Variants in GTF2A1L observed in about 807,000 individuals in gnomAD.
GTF2A1L encodes TFIIA-alpha and beta-like factor.
GTF2A1L carries 48 observed loss-of-function variants against 49.7 expected under a neutral mutation model. The ratio of observed to expected loss-of-function variants is 0.97; its 90% CI spans 0.77 to 1.23. The LOEUF is 1.23. Ranked by LOEUF, GTF2A1L falls within the 50% of genes most tolerant of loss-of-function variation. GTF2A1L has a pLI of 0.00. For missense variants in GTF2A1L, 736 were observed against 564.8 expected (o/e 1.30, Z -3.07); for synonymous variants, 246 against 193.5 (o/e 1.27, Z -2.25).
At chr2:48,620,125 A>C (rs566040082) in intron 1 of GTF2A1L, among the ~76,000 whole-genome samples, 38 of 152,328 alleles carry the variant, frequency 2.5e-4, no homozygotes, top group Admixed American at 4.6e-4. Flanking sequence ...ACCCTAAAAA[A>C]TTCTCCTTTG....
intron 6 of GTF2A1L, among the ~76,000 whole-genome samples, chr2:48,660,927 C>G (rs575056294): frequency 6.6e-6 from 1 of 152,170 alleles, no homozygotes; most frequent in Admixed American, 6.5e-5. Flanking sequence ...AGGTGTGAGA[C>G]ACCATGGCCG....
chr2:48,631,439 C>G (rs1402316781), intron 3 of GTF2A1L, among the ~76,000 whole-genome samples: 1 of 151,938 alleles, frequency 6.6e-6, no homozygotes, highest in Non-Finnish European at 1.5e-5. Flanking sequence ...ATCTGAGGAT[C>G]TTTTGTATTT....
intron 7 of GTF2A1L, 63 bp downstream of exon 7, chr2:48,670,045 C>G (rs1286876046): frequency 7.9e-6 from 12 of 1,528,258 alleles, no homozygotes; most frequent in African/African-American, 1.4e-5. Context: ...CTTTATTATG[C>G]CTTGGAACCA....
chr2:48,638,685 A>C (rs1347161415), intron 3 of GTF2A1L, among the ~76,000 whole-genome samples: 1 of 152,128 alleles, frequency 6.6e-6, no homozygotes, highest in Non-Finnish European at 1.5e-5. Context: ...GCCCTCTCTC[A>C]CCACTCCTAT....
chr2:48,622,906 C>T lies in GTF2A1L; in HGVS notation c.247+1616C>T, dbSNP rs906325526. On this transcript the variant is annotated intron_variant, in intron 3 of 8. Coordinates refer to ENST00000403751, the MANE Select transcript of GTF2A1L (RefSeq NM_006872.5). ...TCAAAATTGCAATACTAGATTTTGC[C>T]GCAAGATGGTAATATTACCAGTGAT... is the stretch of plus-strand genomic sequence containing the variant. 7.1e-5 allele frequency among the ~76,000 whole-genome samples: 10 copies of T among 141,478 alleles called. No individual in the cohort carries two copies. The South Asian group carries it at 1.2e-3, about 17-fold the overall frequency. 92.8% of individuals were successfully genotyped at this position (141,478 alleles called of 152,430 possible).
chr2:48,672,803 CTATT>C (rs527413673), intron 8 of GTF2A1L, among the ~76,000 whole-genome samples: 60 of 152,208 alleles, frequency 3.9e-4, no homozygotes, highest in Admixed American at 7.2e-4. Context: ...TACAATTCGC[CTATT>C]TAAAGTATAC....
chr2:48,677,344 C>G (rs763087018), intron 8 of GTF2A1L, among the ~76,000 whole-genome samples: 3 of 151,548 alleles, frequency 2.0e-5, no homozygotes, highest in Non-Finnish European at 2.9e-5. Context: ...CTAGGGGGGC[C>G]TTATTGAGAA....
chr2:48,638,842 A>G lies in GTF2A1L; in HGVS notation c.248-3560A>G, dbSNP rs543255829. Among the ~76,000 whole-genome samples the G allele has an allele frequency of 2.0e-5, 3 of 152,284 alleles. No individual in the cohort carries two copies. In the South Asian group the frequency reaches 6.2e-4, roughly 32 times the overall value. ...GAAAACTCTATAGTCTCGGCCGAAAAGCTCCTTCAGGTGATAAACAACTTC... is the reference window on the plus strand; with the variant it reads ...GAAAACTCTATAGTCTCGGCCGAAAGGCTCCTTCAGGTGATAAACAACTTC... On this transcript the variant is annotated intron_variant, in intron 3 of 8. Coordinates refer to ENST00000403751, the MANE Select transcript of GTF2A1L (RefSeq NM_006872.5).
At chr2:48,651,409 C>T (rs554833661) in intron 6 of GTF2A1L, among the ~76,000 whole-genome samples, 1 of 150,558 alleles carries the variant, frequency 6.6e-6, no homozygotes, top group South Asian at 2.1e-4. Context: ...ACATTGATAC[C>T]ATCAAAGAAT....
chr2:48,625,014 A>G (rs1260398445), intron 3 of GTF2A1L, among the ~76,000 whole-genome samples: 1 of 144,312 alleles, frequency 6.9e-6, no homozygotes, highest in Non-Finnish European at 1.6e-5. Context: ...TAATATTGCA[A>G]TGAACTTGGA....
chr2:48,636,246 G>T (rs530533843), intron 3 of GTF2A1L, among the ~76,000 whole-genome samples: 42 of 152,332 alleles, frequency 2.8e-4, no homozygotes, highest in South Asian at 8.3e-4. Flanking sequence ...CTTAAACAAT[G>T]ACACAAATGC....
intron 8 of GTF2A1L, among the ~76,000 whole-genome samples, chr2:48,674,373 C>CA (rs1679344683): frequency 6.6e-6 from 1 of 151,850 alleles, no homozygotes; most frequent in African/African-American, 2.4e-5. Context: ...ACATATTTAG[C>CA]CTTTTTTTTT....
At chr2:48,665,287 T>TC (rs1341072585) in intron 6 of GTF2A1L, among the ~76,000 whole-genome samples, 19 of 73,844 alleles carry the variant, frequency 2.6e-4, no homozygotes, top group South Asian at 8.4e-4. Context: ...TCTCTCTCTC[T>TC]TTTTTTTTTT....
chr2:48,618,601 T>C (rs892801765), intron 1 of GTF2A1L, among the ~76,000 whole-genome samples: 1 of 152,234 alleles, frequency 6.6e-6, no homozygotes, highest in Admixed American at 6.5e-5. Flanking sequence ...GGGTTCCGGG[T>C]ATTATATATG....
At chr2:48,642,963 G>C (rs1356288612) in intron 4 of GTF2A1L, among the ~76,000 whole-genome samples, 1 of 152,070 alleles carries the variant, frequency 6.6e-6, no homozygotes, top group Non-Finnish European at 1.5e-5. Context: ...TTCTTGCCAA[G>C]TTTTCCTGTC....
Position 48,669,735 on chromosome 2 carries a change from AG to A in GTF2A1L, c.994del (p.Val332TrpfsTer3). ...TTCTCTTTTTAGGATTCTAATTCTC[AG>A]GTGGATTTAAGCATTCGGGTTACTG... is the stretch of plus-strand genomic sequence containing the variant. ...IPVSEKDSNS[Q>X]VDLSIRVTDD... is the part of the protein sequence containing the mutation. On this transcript the variant is annotated frameshift_variant, in exon 7 of 9. Transcript: ENST00000403751. LOFTEE classifies it high-confidence loss of function. The A allele has an allele frequency of 6.2e-7, 1 of 1,608,408 alleles. No individual in the cohort carries two copies. The highest frequency in any genetic ancestry group is 8.5e-7 in the Non-Finnish European group (1 of 1,176,050).
At chr2:48,678,954 T>A (rs939321782) in intron 8 of GTF2A1L, among the ~76,000 whole-genome samples, 2 of 152,034 alleles carry the variant, frequency 1.3e-5, no homozygotes, top group Admixed American at 1.3e-4. Flanking sequence ...AAGTTTTTGC[T>A]CAAGTGTCAC....
At position 48,669,740 on chromosome 2, in the gene GTF2A1L, G is replaced by C. The variant is rs146006326; in HGVS notation, c.997G>C (p.Asp333His). Residue 333 changes from aspartate (D) to histidine (H), a missense_variant, in exon 7 of 9, where the codon GAT becomes CAT. Coordinates refer to ENST00000403751, the MANE Select transcript of GTF2A1L (RefSeq NM_006872.5). ...VSEKDSNSQV[D>H]LSIRVTDDDI... is the part of the protein sequence containing the mutation. ...TTTTTAGGATTCTAATTCTCAGGTG[G>C]ATTTAAGCATTCGGGTTACTGATGA... The C allele has an allele frequency of 2.8e-5, 45 of 1,610,926 alleles. 1 individual carries two copies. In the African/African-American group the frequency reaches 4.3e-4, roughly 15 times the overall value.
At chr2:48,648,897 G>A (rs149927583) in intron 6 of GTF2A1L, among the ~76,000 whole-genome samples, 1 of 152,176 alleles carries the variant, frequency 6.6e-6, no homozygotes, top group East Asian at 1.9e-4. Context: ...CAGTTTGGTA[G>A]GTTTATGCTG....
Sources: allele counts gnomAD v4.1 joint callset (sites outside exome capture counted in the v4.1 genomes callset), GRCh38; gene constraint gnomAD v4.1.1; transcripts MANE v1.5; gene names NCBI Gene and HGNC (gene_info 2026-07-23, HGNC 2026-07-21).